WBP4: variants seen among roughly 807,000 people sequenced by gnomAD.
WBP4 encodes the protein WW domain-binding protein 4.
In WBP4, 37 loss-of-function variants were observed where a neutral mutation model predicts 55.4. That is an observed-to-expected ratio of 0.67 (90% CI 0.51 to 0.88). The LOEUF is 0.88. WBP4 is among the 40% of genes least tolerant of loss of function. WBP4 has a pLI of 0.00. For synonymous variants in WBP4, 142 were observed against 140.2 expected (o/e 1.01, Z -0.09); for missense variants, 398 against 420.8 (o/e 0.95, Z 0.47).
chr13:41,081,275 G>A (rs1406934526), intron 9 of WBP4, among the ~76,000 whole-genome samples: 1 of 151,964 alleles, frequency 6.6e-6, no homozygotes, highest in East Asian at 1.9e-4. Context: ...AAGGCAGGCA[G>A]ATCAACTGAG....
chr13:41,082,086 A>G (rs1593436134), intron 9 of WBP4, among the ~76,000 whole-genome samples: 1 of 152,090 alleles, frequency 6.6e-6, no homozygotes, highest in African/African-American at 2.4e-5. Flanking sequence ...GATTATTTAT[A>G]ATTAATCATG....
At chr13:41,072,752 G>C (rs1220025431) in intron 6 of WBP4, 30 bp from the exon 7 acceptor site, 1 of 1,600,144 alleles carries the variant, frequency 6.2e-7, no homozygotes, top group African/African-American at 1.3e-5. Flanking sequence ...GTTATCCTTA[G>C]TTTATGCTGG....
chr13:41,082,775 G>A lies in WBP4; in HGVS notation c.992G>A (p.Gly331Glu), dbSNP rs748706787. The A allele has an allele frequency of 1.9e-6, 3 of 1,613,974 alleles. No individual in the cohort carries two copies. Among genetic ancestry groups the A allele is most frequent in the African/African-American group, 1.3e-5 (1 of 74,902 alleles). ...TCAACTTCAGAAGCTGATGGTGGCG[G>A]AGAACCCAAAGTGGTATTTAAAGAA... ...YVSTSEADGG[G>E]EPKVVFKEKT... Residue 331 changes from glycine (G) to glutamate (E), a missense_variant, in exon 10 of 10, where the codon GGA becomes GAA. By Grantham distance (98) the Gly-to-Glu change is moderately conservative. Coordinates refer to ENST00000379487, the MANE Select transcript of WBP4 (RefSeq NM_007187.5).
intron 8 of WBP4, 79 bp downstream of exon 8, chr13:41,076,316 G>A (rs552880665): frequency 1.8e-6 from 2 of 1,100,434 alleles, no homozygotes; most frequent in East Asian, 5.8e-5. Flanking sequence ...GTCTTGTTCT[G>A]TCCCCAGGCT....
chr13:41,064,846 C>T (rs1036679794), intron 2 of WBP4, among the ~76,000 whole-genome samples, 170 bp from the exon 3 acceptor site: 9 of 152,004 alleles, frequency 5.9e-5, no homozygotes, highest in African/African-American at 2.2e-4. Context: ...AATGTAGTTC[C>T]CTAGCATCAT....
chr13:41,081,328 C>T (rs1878767036), intron 9 of WBP4, among the ~76,000 whole-genome samples: 1 of 151,368 alleles, frequency 6.6e-6, no homozygotes, highest in Admixed American at 6.6e-5. Flanking sequence ...GCAAAACTTT[C>T]TCTCTACCAA....
At chr13:41,061,752 C>T in intron 1 of WBP4, 77 bp downstream of exon 1, 1 of 1,603,002 alleles carries the variant, frequency 6.2e-7, no homozygotes, top group Non-Finnish European at 8.5e-7. Flanking sequence ...TCTTCCCCTC[C>T]TCTCCTCCCG....
chr13:41,075,010 G>T (rs775933923), intron 7 of WBP4, among the ~76,000 whole-genome samples: 1 of 152,092 alleles, frequency 6.6e-6, no homozygotes, highest in African/African-American at 2.4e-5. Flanking sequence ...TTGTTAACTT[G>T]TGTGAAATGT....
chr13:41,061,764 C>A, intron 1 of WBP4, 89 bp downstream of exon 1: 1 of 1,594,592 alleles, frequency 6.3e-7, no homozygotes, highest in Non-Finnish European at 8.5e-7. Flanking sequence ...CTCCTCCCGC[C>A]CTTCGGCCGG....
At chr13:41,079,288 T>G (rs1878654282) in intron 8 of WBP4, among the ~76,000 whole-genome samples, 1 of 151,740 alleles carries the variant, frequency 6.6e-6, no homozygotes, top group African/African-American at 2.4e-5. Context: ...AGTCAGAAAA[T>G]GGCTGGATGC....
At position 41,082,601 on chromosome 13, in the gene WBP4, A is replaced by C. The variant is rs113450117; in HGVS notation, c.921-103A>C. ...TTAAAGTAGTTCCTACTCCAAAATG[A>C]GCAACTTCTAATGTCATTAGAAAGC... On this transcript the variant is annotated intron_variant, in intron 9 of 9. Coordinates refer to ENST00000379487, the MANE Select transcript of WBP4 (RefSeq NM_007187.5). 25 of 1,004,842 alleles carry C rather than the reference A, an allele frequency of 2.5e-5. 1 individual carries two copies. In the African/African-American group the frequency reaches 2.8e-4, roughly 11 times the overall value. The allele number at this position is 1,004,842 out of a possible 1,614,324, so 62.2% of individuals were successfully genotyped here. A position where few individuals can be genotyped will look rare whatever the true frequency, so the allele number is the denominator to read the frequency against.
In WBP4 at chr13:41,065,014, A is replaced by T. The variant is rs776528794; in HGVS notation, c.76-2A>T. On this transcript the variant is annotated splice_acceptor_variant, in intron 2 of 9. Transcript: ENST00000379487. LOFTEE classifies it high-confidence loss of function. ...TTGTTATTTTCTCTTTTCATTTTCA[A>T]GAGTGTTGAATTTCATGAAAGAGGA... is the stretch of plus-strand genomic sequence containing the variant. 3 of 1,568,640 alleles carry T rather than the reference A, an allele frequency of 1.9e-6. No homozygotes were observed. The South Asian group carries it at 3.7e-5, about 19-fold the overall frequency.
chr13:41,079,142 G>A (rs1449964758), intron 8 of WBP4, among the ~76,000 whole-genome samples: 1 of 152,128 alleles, frequency 6.6e-6, no homozygotes, highest in Admixed American at 6.5e-5. Context: ...AAAAGGACAT[G>A]AACAGGCATT....
chr13:41,069,390 C>T (rs983352615), intron 5 of WBP4, among the ~76,000 whole-genome samples: 4 of 151,992 alleles, frequency 2.6e-5, no homozygotes, highest in Non-Finnish European at 4.4e-5. Flanking sequence ...AGGCTAGGCG[C>T]GGTGGCTCAC....
At position 41,083,985 on chromosome 13, in the gene WBP4, T is replaced by G. The variant is rs1413251322; in HGVS notation, c.*1071T>G. ...CTGTACATGTAAGAAAAAAGCTTAT[T>G]AAAAACTTGATCAAAGAATAAGTTA... On this transcript the variant is annotated 3_prime_UTR_variant, in exon 10 of 10. Transcript: ENST00000379487. 3.9e-5 allele frequency: 6 copies of G among 152,244 alleles called. No homozygotes were observed. The highest frequency in any genetic ancestry group is 3.9e-4 in the Admixed American group (6 of 15,284). 9.4% of individuals were successfully genotyped at this position (152,244 alleles called of 1,614,324 possible).
intron 9 of WBP4, among the ~76,000 whole-genome samples, chr13:41,081,827 C>G (rs1878791930): frequency 6.6e-6 from 1 of 152,142 alleles, no homozygotes; most frequent in African/African-American, 2.4e-5. Context: ...AAGAAAAAAT[C>G]CTTGGAATAG....
At chr13:41,068,786 A>G (rs1878098342) in intron 5 of WBP4, 49 bp downstream of exon 5, 4 of 1,442,870 alleles carry the variant, frequency 2.8e-6, no homozygotes, top group East Asian at 2.4e-5. Flanking sequence ...CACTAGTAGA[A>G]TAGAACAATT....
intron 8 of WBP4, among the ~76,000 whole-genome samples, chr13:41,078,654 C>T (rs1878610023): frequency 6.6e-6 from 1 of 152,060 alleles, no homozygotes; most frequent in Admixed American, 6.5e-5. Flanking sequence ...ATAGAGAAAC[C>T]CCATCTCTAC....
Position 41,062,636 on chromosome 13 carries a change from T to C in WBP4, c.3-8T>C, listed in dbSNP as rs1368131846. On this transcript the variant is annotated splice_polypyrimidine_tract_variant and splice_region_variant and intron_variant, in intron 1 of 9. Coordinates refer to ENST00000379487, the MANE Select transcript of WBP4 (RefSeq NM_007187.5). Reference sequence around the variant, plus strand: ...CATGAGCTTAGCCTTGTTGTCTCTCTTTTTCAGGGCGGACTACTGGAAGTC... The same window carrying C: ...CATGAGCTTAGCCTTGTTGTCTCTCCTTTTCAGGGCGGACTACTGGAAGTC... 2 of 1,612,398 alleles carry C rather than the reference T, an allele frequency of 1.2e-6. No individual in the cohort carries two copies. The highest frequency in any genetic ancestry group is 1.7e-6 in the Non-Finnish European group (2 of 1,179,246).
Sources: gnomAD v4.1 joint callset for allele counts (sites outside exome capture counted in the v4.1 genomes callset) on GRCh38, gnomAD v4.1.1 for gene constraint, MANE v1.5 for transcripts, NCBI Gene and HGNC (gene_info 2026-07-23, HGNC 2026-07-21) for gene names.